PLXNA4: variants seen among roughly 807,000 people sequenced by gnomAD.
PLXNA4 encodes the protein plexin-A4.
In PLXNA4, 44 loss-of-function variants were observed where a neutral mutation model predicts 191.8. That is an observed-to-expected ratio of 0.23 (90% CI 0.18 to 0.29). The LOEUF (loss-of-function observed/expected upper bound fraction) is 0.29, where lower values mean the gene tolerates loss of function less well. Ranked by LOEUF, PLXNA4 falls within the 10% of genes least tolerant of loss-of-function variation. The pLI is 1.00. For missense variants in PLXNA4, 1,800 were observed against 2,488.8 expected (o/e 0.72, Z 5.89); for synonymous variants, 1,082 against 1,009.5 (o/e 1.07, Z -1.36).
At position 132,211,101 on chromosome 7, in the gene PLXNA4, C is replaced by G; in HGVS notation, c.2140G>C (p.Val714Leu). ...LLRVDKILVP[V>L]EVIKPITLKA... ...AGCGTGATAGGCTTGATCACCTCCA[C>G]GGGCACCAGGATCTTGTCCACTCGC... The change falls in exon 10 of 32, where the codon GTG becomes CTG. Residue 714 changes from valine (V) to leucine (L), a missense_variant. Transcript: ENST00000321063. 1 of 1,581,360 alleles carries G rather than the reference C, an allele frequency of 6.3e-7. No homozygotes were observed. The highest frequency in any genetic ancestry group is 8.6e-7 in the Non-Finnish European group (1 of 1,163,286).
At chr7:132,148,480 A>G (rs910157608) in intron 26 of PLXNA4, 63 bp downstream of exon 26, 2 of 1,603,438 alleles carry the variant, frequency 1.2e-6, no homozygotes, top group Non-Finnish European at 1.7e-6. Flanking sequence ...ATTCCAGGGC[A>G]ATGATTTCCA....
chr7:132,340,440 C>A lies in PLXNA4; in HGVS notation c.1372-42218G>T, dbSNP rs374461094. ...ACCTGGATGTAAATGACCTCAGATA[C>A]TTCTAAGCATCAGTTGGTGGAATCT... On this transcript the variant is annotated intron_variant, in intron 3 of 31. Coordinates refer to ENST00000321063, the MANE Select transcript of PLXNA4 (RefSeq NM_020911.2). Among the ~76,000 whole-genome samples the A allele has an allele frequency of 3.3e-5, 5 of 152,214 alleles. No homozygotes were observed. In the East Asian group the frequency reaches 5.8e-4, roughly 18 times the overall value.
chr7:132,151,559 GAAA>G (rs1795640012), intron 25 of PLXNA4, among the ~76,000 whole-genome samples: 1 of 84,344 alleles, frequency 1.2e-5, no homozygotes, highest in African/African-American at 4.9e-5. Context: ...AGGAGGAGGA[GAAA>G]GGAGGAGGAG....
intron 3 of PLXNA4, among the ~76,000 whole-genome samples, chr7:132,357,607 C>G (rs1803765110): frequency 6.6e-6 from 1 of 152,198 alleles, no homozygotes; most frequent in African/African-American, 2.4e-5. Flanking sequence ...ATAGGATCCG[C>G]TGGAGCCTCT....
chr7:132,189,827 C>G (rs1256375494), intron 14 of PLXNA4, among the ~76,000 whole-genome samples: 3 of 152,164 alleles, frequency 2.0e-5, no homozygotes, highest in Non-Finnish European at 4.4e-5. Flanking sequence ...CCTAGAAACT[C>G]TGTGTGAGGG....
intron 2 of PLXNA4, among the ~76,000 whole-genome samples, chr7:132,627,669 GC>G (rs1292612215): frequency 6.6e-6 from 1 of 152,104 alleles, no homozygotes; most frequent in Non-Finnish European, 1.5e-5. Flanking sequence ...AACTCACTAG[GC>G]CCTTTTGCCC....
At chr7:132,250,177 A>T (rs1799197362) in intron 4 of PLXNA4, among the ~76,000 whole-genome samples, 1 of 152,096 alleles carries the variant, frequency 6.6e-6, no homozygotes, top group Non-Finnish European at 1.5e-5. Flanking sequence ...TTTGAAGAAT[A>T]ATTGGGATGA....
At chr7:132,159,444 G>A (rs1795884223) in intron 25 of PLXNA4, 29 bp downstream of exon 25, 1 of 1,611,720 alleles carries the variant, frequency 6.2e-7, no homozygotes, top group East Asian at 2.2e-5. Context: ...CAGCCACAAG[G>A]ACAGCCCCTG....
At position 132,165,820 on chromosome 7, in the gene PLXNA4, CT is replaced by C. The variant is rs1003758893; in HGVS notation, c.4287-621del. 3.4e-4 allele frequency among the ~76,000 whole-genome samples: 51 copies of C among 152,088 alleles called. 2 individuals carry two copies. Among genetic ancestry groups the C allele is most frequent in the Non-Finnish European group, 4.4e-5 (3 of 68,036 alleles). Reference sequence around the variant, plus strand: ...CATGTCAGAAGGTCAGATGGCCAAACTGAGTCCACAGCCTCAGCTAAAGGCT... The same window carrying C: ...CATGTCAGAAGGTCAGATGGCCAAACGAGTCCACAGCCTCAGCTAAAGGCT... On this transcript the variant is annotated intron_variant, in intron 22 of 31. Transcript: ENST00000321063.
At chr7:132,249,033 GCCTCTA>G (rs1799155858) in intron 4 of PLXNA4, among the ~76,000 whole-genome samples, 1 of 152,224 alleles carries the variant, frequency 6.6e-6, no homozygotes, top group Non-Finnish European at 1.5e-5. Context: ...GTCCCTACCT[GCCTCTA>G]GGCAGGACCT....
intron 3 of PLXNA4, among the ~76,000 whole-genome samples, chr7:132,302,025 A>G (rs1801326583): frequency 6.6e-6 from 1 of 152,144 alleles, no homozygotes; most frequent in Non-Finnish European, 1.5e-5. Flanking sequence ...TCTCTTAGCT[A>G]TTTAGATTTT....
chr7:132,135,797 A>T (rs187029489), intron 30 of PLXNA4, among the ~76,000 whole-genome samples: 1 of 151,978 alleles, frequency 6.6e-6, no homozygotes, highest in Admixed American at 6.5e-5. Flanking sequence ...TGAACACATC[A>T]TCCTCTCTCT....
intron 2 of PLXNA4, among the ~76,000 whole-genome samples, chr7:132,609,563 G>A (rs1803006619): frequency 6.6e-6 from 1 of 152,192 alleles, no homozygotes; most frequent in African/African-American, 2.4e-5. Context: ...CATTACCAAT[G>A]AGCTATCACT....
intron 3 of PLXNA4, among the ~76,000 whole-genome samples, chr7:132,434,952 T>C (rs1795410613): frequency 1.3e-5 from 2 of 152,168 alleles, no homozygotes; most frequent in Admixed American, 1.3e-4. Context: ...AGGTCTCTGC[T>C]CTGGGGCCAC....
At chr7:132,180,391 G>A (rs983259506) in intron 19 of PLXNA4, among the ~76,000 whole-genome samples, 195 bp downstream of exon 19, 3 of 152,214 alleles carry the variant, frequency 2.0e-5, no homozygotes, top group Admixed American at 1.3e-4. Context: ...TGTTGCACCA[G>A]CCAGTGTGGA....
At chr7:132,142,088 C>T (rs1175544710) in intron 29 of PLXNA4, among the ~76,000 whole-genome samples, 1 of 152,160 alleles carries the variant, frequency 6.6e-6, no homozygotes, top group Non-Finnish European at 1.5e-5. Flanking sequence ...GGGCTGCAGA[C>T]AGGAAATCTG....
At chr7:132,360,661 AC>A (rs987435606) in intron 3 of PLXNA4, among the ~76,000 whole-genome samples, 34 of 152,240 alleles carry the variant, frequency 2.2e-4, no homozygotes, top group Non-Finnish European at 4.7e-4. Flanking sequence ...GAGGCCCCAA[AC>A]CCCCCATAGA....
chr7:132,531,734 G>T (rs1799621944), intron 1 of PLXNA4, among the ~76,000 whole-genome samples: 2 of 152,212 alleles, frequency 1.3e-5, no homozygotes, highest in African/African-American at 4.8e-5. Context: ...AAGAGCAGTG[G>T]TTCTCTCACT....
At chr7:132,159,664 A>G (rs1314022171) in intron 24 of PLXNA4, 32 bp from the exon 25 acceptor site, 1 of 1,611,588 alleles carries the variant, frequency 6.2e-7, no homozygotes, top group East Asian at 2.2e-5. Flanking sequence ...GAAGCATATG[A>G]AATGGGGTAG....
Sources: allele counts gnomAD v4.1 joint callset (sites outside exome capture counted in the v4.1 genomes callset), GRCh38; gene constraint gnomAD v4.1.1; transcripts MANE v1.5; gene names NCBI Gene and HGNC (gene_info 2026-07-23, HGNC 2026-07-21).